DLGAP2: variants seen among roughly 807,000 people sequenced by gnomAD.
The protein encoded by DLGAP2 is disks large-associated protein 2.
Under a neutral mutation model 100.3 loss-of-function variants are expected in DLGAP2, and 26 were observed. The observed-to-expected ratio is 0.26, with a 90% confidence interval of 0.19 to 0.36. The LOEUF is 0.36. Among genes scored for constraint, DLGAP2 ranks in the 10% least tolerant of loss-of-function variants. The probability of loss-of-function intolerance (pLI) is 1.00; values close to 1 mark genes in which losing one functional copy is unlikely to be tolerated. For synonymous variants in DLGAP2, 886 were observed against 630.1 expected, an observed-to-expected ratio of 1.41 and a Z score of -6.08; for missense variants, 1,858 against 1,453.2, an observed-to-expected ratio of 1.28 and a Z score of -4.53.
chr8:866,045 CTG>C (rs956488733), intron 1 of DLGAP2, among the ~76,000 whole-genome samples: 5 of 152,280 alleles, frequency 3.3e-5, no homozygotes, highest in South Asian at 2.1e-4. Flanking sequence ...GGGGAAGAAA[CTG>C]TGTTCTTGGG....
intron 1 of DLGAP2, among the ~76,000 whole-genome samples, chr8:807,689 A>G (rs1796294720): frequency 6.6e-6 from 1 of 152,074 alleles, no homozygotes; most frequent in South Asian, 2.1e-4. Flanking sequence ...ATAGAAACCC[A>G]AGGAATGAGG....
chr8:960,896 A>G (rs1799710136), intron 2 of DLGAP2, among the ~76,000 whole-genome samples: 1 of 152,242 alleles, frequency 6.6e-6, no homozygotes, highest in South Asian at 2.1e-4. Flanking sequence ...TGTAAACTCA[A>G]AAATTGTAAG....
At chr8:1,068,366 A>T (rs182348345) in intron 2 of DLGAP2, among the ~76,000 whole-genome samples, 1 of 152,332 alleles carries the variant, frequency 6.6e-6, no homozygotes, top group East Asian at 1.9e-4. Flanking sequence ...TTAGTTTTGT[A>T]AGAAACCACC....
chr8:1,108,737 C>T (rs1249100014), intron 2 of DLGAP2, among the ~76,000 whole-genome samples: 1 of 113,412 alleles, frequency 8.8e-6, no homozygotes, highest in Non-Finnish European at 1.7e-5. Flanking sequence ...GTGCACGTGC[C>T]TATGAAGTGT....
intron 1 of DLGAP2, among the ~76,000 whole-genome samples, chr8:856,293 A>T (rs1272675118): frequency 6.6e-6 from 1 of 151,440 alleles, no homozygotes; most frequent in Non-Finnish European, 1.5e-5. Context: ...GGTTCAAGCA[A>T]TTCTCCTGCC....
At chr8:1,027,554 T>C (rs1801840615) in intron 2 of DLGAP2, among the ~76,000 whole-genome samples, 1 of 148,036 alleles carries the variant, frequency 6.8e-6, no homozygotes, top group African/African-American at 2.5e-5. Context: ...ATTCTCCAGG[T>C]GGGGTGCCAA....
chr8:1,469,857 C>T (rs986373369), intron 3 of DLGAP2, among the ~76,000 whole-genome samples: 4 of 152,022 alleles, frequency 2.6e-5, no homozygotes, highest in South Asian at 2.1e-4. Flanking sequence ...ATACAGACTC[C>T]TATAAAACTC....
intron 1 of DLGAP2, among the ~76,000 whole-genome samples, chr8:826,096 C>G (rs1295698063): frequency 6.6e-6 from 1 of 152,240 alleles, no homozygotes; most frequent in East Asian, 1.9e-4. Flanking sequence ...CTGTGCCCAG[C>G]TTATTTCACA....
At chr8:1,378,584 C>A (rs1262002431) in intron 3 of DLGAP2, among the ~76,000 whole-genome samples, 1 of 151,910 alleles carries the variant, frequency 6.6e-6, no homozygotes, top group Non-Finnish European at 1.5e-5. Flanking sequence ...CCTGGCCTCA[C>A]CTGTCCATCC....
chr8:1,409,342 G>A (rs1306496526), intron 3 of DLGAP2, among the ~76,000 whole-genome samples: 3 of 152,114 alleles, frequency 2.0e-5, no homozygotes, highest in South Asian at 4.2e-4. Context: ...GGCTCCCCTT[G>A]GACCACTGCC....
chr8:1,498,472 C>T (rs1018119943), intron 3 of DLGAP2, among the ~76,000 whole-genome samples: 4 of 151,998 alleles, frequency 2.6e-5, no homozygotes, highest in Admixed American at 2.0e-4. Flanking sequence ...GGAAAGTGAG[C>T]CATGTTATGT....
At chr8:915,215 G>A (rs900690406) in intron 2 of DLGAP2, among the ~76,000 whole-genome samples, 2 of 152,168 alleles carry the variant, frequency 1.3e-5, no homozygotes, top group African/African-American at 4.8e-5. Flanking sequence ...CTGTGGTGCT[G>A]TGGCGTTGCC....
At chr8:1,430,027 T>TATATATATATATACACAC (rs1282725274) in intron 3 of DLGAP2, among the ~76,000 whole-genome samples, 11 of 76,888 alleles carry the variant, frequency 1.4e-4, no homozygotes, top group African/African-American at 5.0e-4. Context: ...TATATATATA[T>TATATATATATATACACAC]ACACACACAC....
At chr8:832,224 C>T (rs528821810) in intron 1 of DLGAP2, among the ~76,000 whole-genome samples, 2 of 152,140 alleles carry the variant, frequency 1.3e-5, no homozygotes, top group South Asian at 2.1e-4. Context: ...TTAATTAGAT[C>T]CCATTTGTCT....
At chr8:852,636 C>G (rs1797203134) in intron 1 of DLGAP2, among the ~76,000 whole-genome samples, 1 of 152,124 alleles carries the variant, frequency 6.6e-6, no homozygotes, top group Non-Finnish European at 1.5e-5. Context: ...TGTTATGTTC[C>G]CAGTAGACGG....
chr8:1,390,771 C>T (rs1796332905), intron 3 of DLGAP2, among the ~76,000 whole-genome samples: 1 of 152,172 alleles, frequency 6.6e-6, no homozygotes, highest in Non-Finnish European at 1.5e-5. Flanking sequence ...TCAGCTCAAC[C>T]CTCTGTTACA....
rs142626887 is a variant in DLGAP2 at position 1,419,322 on chromosome 8, CGTGTGTGTGT to C, written c.107-82023_107-82014del. Among the ~76,000 whole-genome samples the C allele has an allele frequency of 1.3e-4, 7 of 54,644 alleles. 1 individual carries two copies. Among genetic ancestry groups the C allele is most frequent in the Admixed American group, 2.2e-4 (1 of 4,576 alleles). 35.8% of individuals were successfully genotyped at this position (54,644 alleles called of 152,430 possible). On this transcript the variant is annotated intron_variant, in intron 3 of 14. Coordinates refer to ENST00000637795, the MANE Select transcript of DLGAP2 (RefSeq NM_001346810.2). ...TGGGATACTATGTTACACTCTGATA[CGTGTGTGTGT>C]GTGTGTGTGTGTGTGTGTGTAGGTT...
intron 3 of DLGAP2, among the ~76,000 whole-genome samples, chr8:1,329,805 A>G (rs1197106960): frequency 1.3e-5 from 2 of 152,194 alleles, no homozygotes; most frequent in African/African-American, 4.8e-5. Context: ...GCCCTATCAA[A>G]CTGGGGCTGG....
chr8:1,455,945 C>T (rs562244416), intron 3 of DLGAP2, among the ~76,000 whole-genome samples: 17 of 152,310 alleles, frequency 1.1e-4, no homozygotes, highest in African/African-American at 2.9e-4. Context: ...GATCCGAGGC[C>T]CCCAGCATGT....
Sources: gnomAD v4.1 joint callset for allele counts (sites outside exome capture counted in the v4.1 genomes callset) on GRCh38, gnomAD v4.1.1 for gene constraint, MANE v1.5 for transcripts, NCBI Gene and HGNC (gene_info 2026-07-23, HGNC 2026-07-21) for gene names.